ZBTB7C: variants seen among roughly 807,000 people sequenced by gnomAD.
The protein encoded by ZBTB7C is zinc finger and BTB domain containing 7C.
A neutral mutation model predicts 25.7 loss-of-function variants in ZBTB7C; 8 were observed. That is an observed-to-expected ratio of 0.31 (90% confidence interval 0.18 to 0.56). The LOEUF (loss-of-function observed/expected upper bound fraction) is 0.56. Ranked by LOEUF, ZBTB7C falls within the 20% of genes least tolerant of loss-of-function variation. The pLI is 0.91. For synonymous variants in ZBTB7C, 394 were observed against 369.0 expected, an observed-to-expected ratio of 1.07 and a Z score of -0.78; for missense variants, 824 against 855.2, an observed-to-expected ratio of 0.96 and a Z score of 0.46.
intron 3 of ZBTB7C, among the ~76,000 whole-genome samples, chr18:48,087,232 A>G (rs1857088343): frequency 6.6e-6 from 1 of 152,236 alleles, no homozygotes; most frequent in South Asian, 2.1e-4. Context: ...GGGCATCTGA[A>G]TTCTATGAAC....
At chr18:48,218,432 G>A (rs144574628) in intron 2 of ZBTB7C, among the ~76,000 whole-genome samples, 286 of 152,330 alleles carry the variant, frequency 1.9e-3, no homozygotes, top group African/African-American at 6.5e-3. Context: ...TACAGGGTGA[G>A]GCCAAAGGCA....
intron 1 of ZBTB7C, among the ~76,000 whole-genome samples, chr18:48,360,720 G>T (rs940224443): frequency 6.6e-6 from 1 of 152,170 alleles, no homozygotes; most frequent in Non-Finnish European, 1.5e-5. Flanking sequence ...CCAGCCAAAG[G>T]CAGGGGTGAG....
intron 3 of ZBTB7C, among the ~76,000 whole-genome samples, chr18:48,055,772 C>G (rs1398602371): frequency 6.6e-6 from 1 of 152,196 alleles, no homozygotes; most frequent in African/African-American, 2.4e-5. Flanking sequence ...TCCACCCCAA[C>G]TCGACCCCAC....
At chr18:48,082,535 GC>G (rs1327450400) in intron 3 of ZBTB7C, among the ~76,000 whole-genome samples, 7 of 152,148 alleles carry the variant, frequency 4.6e-5, no homozygotes, top group Admixed American at 4.6e-4. Flanking sequence ...ACAGGTCACT[GC>G]CTTCTCTCTG....
chr18:48,265,666 AAGAG>A (rs1267182682), intron 2 of ZBTB7C, among the ~76,000 whole-genome samples: 1 of 152,220 alleles, frequency 6.6e-6, no homozygotes, highest in African/African-American at 2.4e-5. Context: ...CATCCTGTCA[AAGAG>A]AGGCATCTCT....
chr18:48,032,402 A>G (rs1304006713), intron 4 of ZBTB7C, among the ~76,000 whole-genome samples: 3 of 131,556 alleles, frequency 2.3e-5, no homozygotes, highest in African/African-American at 8.7e-5. Context: ...GGCGTGAGCC[A>G]CTGTGCCCGG....
chr18:48,069,474 A>G (rs1011974324), intron 3 of ZBTB7C, among the ~76,000 whole-genome samples: 2 of 152,062 alleles, frequency 1.3e-5, no homozygotes, highest in Non-Finnish European at 1.5e-5. Flanking sequence ...CTTCCCCTGG[A>G]CTGTGAGCAG....
intron 3 of ZBTB7C, among the ~76,000 whole-genome samples, chr18:48,074,593 CT>C (rs2037687123): frequency 1.3e-5 from 2 of 152,206 alleles, no homozygotes; most frequent in African/African-American, 4.8e-5. Context: ...TTCCTTGCAC[CT>C]TTCTTGTATG....
chr18:48,176,027 A>G (rs537234442), intron 3 of ZBTB7C, among the ~76,000 whole-genome samples: 141 of 152,202 alleles, frequency 9.3e-4, no homozygotes, highest in Non-Finnish European at 1.5e-3. Context: ...AGGGTACTGC[A>G]TGGTTTTAAA....
intron 2 of ZBTB7C, among the ~76,000 whole-genome samples, chr18:48,326,597 CA>C (rs11367556): frequency 0.32 from 47,090 of 148,774 alleles, 8,283 homozygotes; most frequent in East Asian, 0.73. Context: ...ACAGAGCAAT[CA>C]AAAAAAAAAG....
At chr18:48,121,994 C>A (rs2039646480) in intron 3 of ZBTB7C, among the ~76,000 whole-genome samples, 1 of 152,186 alleles carries the variant, frequency 6.6e-6, no homozygotes, top group Non-Finnish European at 1.5e-5. Flanking sequence ...TGACATGCTG[C>A]AGTCCCTGGT....
chr18:48,331,629 G>A (rs1417838112), intron 2 of ZBTB7C, among the ~76,000 whole-genome samples: 1 of 152,140 alleles, frequency 6.6e-6, no homozygotes, highest in Non-Finnish European at 1.5e-5. Flanking sequence ...AATCTCTTTG[G>A]CTTAGTTCAG....
At position 48,026,751 on chromosome 18, in the gene ZBTB7C, C is replaced by A. The variant is rs201957482; in HGVS notation, c.*2509G>T. ...AAGGGTCAAAGGTTTTTTTTTTTTT[C>A]TTTGTTAAGGTGTCTTTGACATTAT... On this transcript the variant is annotated 3_prime_UTR_variant, in exon 5 of 5. Coordinates refer to ENST00000590800, the MANE Select transcript of ZBTB7C (RefSeq NM_001318841.2). The A allele has an allele frequency of 8.3e-6, 1 of 120,384 alleles. No homozygotes were observed. Among genetic ancestry groups the A allele is most frequent in the African/African-American group, 3.3e-5 (1 of 30,500 alleles). 7.5% of individuals were successfully genotyped at this position (120,384 alleles called of 1,614,324 possible). A position where few individuals can be genotyped will look rare whatever the true frequency, so the allele number is the denominator to read the frequency against.
chr18:48,258,621 G>T (rs755000824), intron 2 of ZBTB7C, among the ~76,000 whole-genome samples: 1 of 152,114 alleles, frequency 6.6e-6, no homozygotes, highest in African/African-American at 2.4e-5. Context: ...CCCCCAAATT[G>T]ATCTGTAGAT....
intron 3 of ZBTB7C, among the ~76,000 whole-genome samples, chr18:48,078,345 G>A (rs927375438): frequency 1.3e-5 from 2 of 151,098 alleles, no homozygotes; most frequent in East Asian, 3.9e-4. Context: ...CACAAAGGTG[G>A]GAAAGTGTGG....
chr18:48,090,284 G>A (rs894137577), intron 3 of ZBTB7C, among the ~76,000 whole-genome samples: 1 of 152,234 alleles, frequency 6.6e-6, no homozygotes, highest in African/African-American at 2.4e-5. Context: ...GGTGGCGTGT[G>A]TGTGGCAGAG....
chr18:48,392,617 T>C (rs898113221), intron 1 of ZBTB7C, among the ~76,000 whole-genome samples: 1 of 152,214 alleles, frequency 6.6e-6, no homozygotes, highest in African/African-American at 2.4e-5. Context: ...TCAGAACTCT[T>C]CTAGCAGTTT....
intron 1 of ZBTB7C, among the ~76,000 whole-genome samples, chr18:48,341,546 G>A (rs1407841996): frequency 3.9e-5 from 6 of 152,246 alleles, no homozygotes. Flanking sequence ...CCACTGTAGG[G>A]CTGGTGACAG....
intron 2 of ZBTB7C, among the ~76,000 whole-genome samples, chr18:48,293,126 G>A (rs1598800325): frequency 1.3e-5 from 2 of 152,304 alleles, no homozygotes; most frequent in Admixed American, 6.5e-5. Flanking sequence ...GTCCGTGTGG[G>A]CTGCCATAAC....
Sources: allele counts gnomAD v4.1 joint callset (sites outside exome capture counted in the v4.1 genomes callset), GRCh38; gene constraint gnomAD v4.1.1; transcripts MANE v1.5; gene names NCBI Gene and HGNC (gene_info 2026-07-23, HGNC 2026-07-21).